Variants in CDKAL1 observed in about 807,000 individuals in gnomAD.
The protein encoded by CDKAL1 is CDKAL1 threonylcarbamoyladenosine tRNA methylthiotransferase.
Under a neutral mutation model 68.2 loss-of-function variants are expected in CDKAL1, and 32 were observed. The observed-to-expected ratio is 0.47, with a 90% CI of 0.35 to 0.63. The LOEUF (loss-of-function observed/expected upper bound fraction) is 0.63, where lower values mean the gene tolerates loss of function less well. Ranked by LOEUF, CDKAL1 falls within the 30% of genes least tolerant of loss-of-function variation. The pLI, the probability that CDKAL1 is intolerant of heterozygous loss-of-function variation, is 0.00. For synonymous variants in CDKAL1, 234 were observed against 244.3 expected (o/e 0.96, Z 0.39); for missense variants, 606 against 696.7 (o/e 0.87, Z 1.47).
At chr6:20,786,091 G>A (rs574591966) in intron 8 of CDKAL1, among the ~76,000 whole-genome samples, 1 of 152,046 alleles carries the variant, frequency 6.6e-6, no homozygotes, top group Non-Finnish European at 1.5e-5. Flanking sequence ...TGTGGTGGTT[G>A]GTGCGTGCCT....
chr6:21,023,979 A>G (rs930607202), intron 11 of CDKAL1, among the ~76,000 whole-genome samples: 5 of 152,202 alleles, frequency 3.3e-5, no homozygotes, highest in African/African-American at 9.6e-5. Context: ...GGCTGAAGAA[A>G]GTTTCATGAA....
At chr6:20,691,262 C>G (rs889578805) in intron 5 of CDKAL1, among the ~76,000 whole-genome samples, 1 of 151,876 alleles carries the variant, frequency 6.6e-6, no homozygotes, top group Admixed American at 6.6e-5. Context: ...CAGTGGTGCC[C>G]TCTGGGCCTG....
At position 20,701,602 on chromosome 6, in the gene CDKAL1, G is replaced by A. The variant is rs111266021; in HGVS notation, c.372-37917G>A. 2.2e-3 allele frequency among the ~76,000 whole-genome samples: 329 copies of A among 152,178 alleles called. 1 individual carries two copies. The highest frequency in any genetic ancestry group is 0.01 in the Middle Eastern group (3 of 294). On this transcript the variant is annotated intron_variant, in intron 5 of 15. Transcript: ENST00000274695. ...GAACCTTTATACAGTTAGGCTTGGTGTGCCCATGTCTTCTGCCCCCTCCCA... is the reference window on the plus strand; with the variant it reads ...GAACCTTTATACAGTTAGGCTTGGTATGCCCATGTCTTCTGCCCCCTCCCA...
chr6:20,864,789 A>G (rs1252782392), intron 9 of CDKAL1, among the ~76,000 whole-genome samples: 1 of 152,170 alleles, frequency 6.6e-6, no homozygotes, highest in Admixed American at 6.5e-5. Flanking sequence ...TTAAACATCG[A>G]CTTCAGAAAT....
chr6:21,120,634 C>T (rs1376931797), intron 13 of CDKAL1, among the ~76,000 whole-genome samples: 1 of 152,100 alleles, frequency 6.6e-6, no homozygotes, highest in Non-Finnish European at 1.5e-5. Flanking sequence ...CAAATACATA[C>T]CTTCATGTAA....
intron 13 of CDKAL1, among the ~76,000 whole-genome samples, chr6:21,187,625 C>CCTGA (rs1778066053): frequency 6.6e-6 from 1 of 152,120 alleles, no homozygotes; most frequent in Non-Finnish European, 1.5e-5. Context: ...CACTGAGTTG[C>CCTGA]CTGACTCCCC....
intron 10 of CDKAL1, among the ~76,000 whole-genome samples, chr6:20,989,587 G>A (rs187111983): frequency 1.3e-5 from 2 of 152,202 alleles, no homozygotes; most frequent in African/African-American, 2.4e-5. Context: ...CTGAGCTGAC[G>A]GTACAGCCTG....
intron 4 of CDKAL1, among the ~76,000 whole-genome samples, chr6:20,626,873 A>G (rs1398359917): frequency 6.6e-6 from 1 of 152,160 alleles, no homozygotes; most frequent in African/African-American, 2.4e-5. Flanking sequence ...GTAGTACAAC[A>G]GTCTTCCCCT....
intron 13 of CDKAL1, among the ~76,000 whole-genome samples, chr6:21,172,659 A>T (rs1777435091): frequency 6.6e-6 from 1 of 152,172 alleles, no homozygotes; most frequent in Non-Finnish European, 1.5e-5. Context: ...CAGAAGGCTG[A>T]GGGGGGAGGA....
At chr6:20,841,362 T>C (rs11967068) in intron 8 of CDKAL1, among the ~76,000 whole-genome samples, 19,178 of 152,152 alleles carry the variant, frequency 0.13, 1,473 homozygotes, top group East Asian at 0.34. Context: ...GATACCAGTA[T>C]GAGTGACTTT....
intron 4 of CDKAL1, among the ~76,000 whole-genome samples, chr6:20,610,263 A>G (rs1355692839): frequency 6.6e-6 from 1 of 152,214 alleles, no homozygotes; most frequent in Non-Finnish European, 1.5e-5. Flanking sequence ...TCTTTATAAT[A>G]AAACAGTTTA....
intron 10 of CDKAL1, among the ~76,000 whole-genome samples, chr6:20,972,378 C>T (rs1038474949): frequency 6.6e-6 from 1 of 152,182 alleles, no homozygotes; most frequent in Non-Finnish European, 1.5e-5. Flanking sequence ...ACTCTTAGCT[C>T]TTCCTTAGCC....
At chr6:21,045,897 A>G (rs1049775755) in intron 11 of CDKAL1, among the ~76,000 whole-genome samples, 1 of 152,170 alleles carries the variant, frequency 6.6e-6, no homozygotes, top group African/African-American at 2.4e-5. Context: ...TTTCTGAGAA[A>G]GGGGGCCTTT....
At chr6:20,979,463 G>A (rs1396851904) in intron 10 of CDKAL1, among the ~76,000 whole-genome samples, 1 of 152,132 alleles carries the variant, frequency 6.6e-6, no homozygotes, top group Non-Finnish European at 1.5e-5. Context: ...TTAGAGGTGA[G>A]CAATTGCATT....
chr6:21,110,611 T>C (rs372889963), intron 13 of CDKAL1, among the ~76,000 whole-genome samples: 3 of 152,184 alleles, frequency 2.0e-5, no homozygotes, highest in African/African-American at 4.8e-5. Context: ...TGAAAATATA[T>C]ACATATATTG....
intron 8 of CDKAL1, among the ~76,000 whole-genome samples, chr6:20,803,808 T>C (rs981974372): frequency 1.3e-5 from 2 of 152,102 alleles, no homozygotes; most frequent in East Asian, 1.9e-4. Context: ...AAATAGCTAC[T>C]GGGAAAAGAG....
chr6:20,580,345 T>C (rs1765091954), intron 4 of CDKAL1, among the ~76,000 whole-genome samples: 1 of 152,174 alleles, frequency 6.6e-6, no homozygotes, highest in South Asian at 2.1e-4. Context: ...GTGTAGGCGT[T>C]AGCTGCTGGA....
chr6:20,643,302 G>A (rs1258550711), intron 4 of CDKAL1, among the ~76,000 whole-genome samples: 1 of 151,460 alleles, frequency 6.6e-6, no homozygotes, highest in African/African-American at 2.4e-5. Context: ...TCTAAGGCAA[G>A]ATCAGAAGGT....
intron 13 of CDKAL1, among the ~76,000 whole-genome samples, chr6:21,156,145 GC>G (rs1176083153): frequency 6.6e-6 from 1 of 152,084 alleles, no homozygotes; most frequent in Non-Finnish European, 1.5e-5. Flanking sequence ...ACTGAGCGGG[GC>G]ATGGTGGCTC....
Sources: allele counts gnomAD v4.1 joint callset (sites outside exome capture counted in the v4.1 genomes callset), GRCh38; gene constraint gnomAD v4.1.1; transcripts MANE v1.5; gene names NCBI Gene and HGNC (gene_info 2026-07-23, HGNC 2026-07-21).